Variants in ATXN7L1 observed in about 807,000 individuals in gnomAD.
ATXN7L1 encodes ataxin 7 like 1.
In ATXN7L1, 15 loss-of-function variants were observed where a neutral mutation model predicts 70.8. That is an observed-to-expected ratio of 0.21 (90% CI 0.14 to 0.33). ATXN7L1 has a LOEUF of 0.33. Among genes scored for constraint, ATXN7L1 ranks in the 10% least tolerant of loss-of-function variants. The pLI, the probability that ATXN7L1 is intolerant of heterozygous loss-of-function variation, is 1.00. For synonymous variants in ATXN7L1, 440 were observed against 445.1 expected (o/e 0.99, Z 0.14); for missense variants, 975 against 1,097.1 (o/e 0.89, Z 1.57).
chr7:105,837,588 G>A (rs1164512508), intron 2 of ATXN7L1, among the ~76,000 whole-genome samples: 2 of 152,206 alleles, frequency 1.3e-5, no homozygotes, highest in Non-Finnish European at 2.9e-5. Context: ...GTGAAAGGGT[G>A]CCAGTGAAAA....
At chr7:105,733,622 C>T (rs796908992) in intron 3 of ATXN7L1, among the ~76,000 whole-genome samples, 45 of 124,596 alleles carry the variant, frequency 3.6e-4, no homozygotes, top group Admixed American at 4.0e-4. Flanking sequence ...ATCCATCCAT[C>T]CATCCATCCA....
At chr7:105,776,585 G>A (rs1802767022) in intron 3 of ATXN7L1, among the ~76,000 whole-genome samples, 1 of 152,018 alleles carries the variant, frequency 6.6e-6, no homozygotes, top group Non-Finnish European at 1.5e-5. Context: ...TCAGGGAATT[G>A]AATGGTGAGC....
chr7:105,770,598 A>G (rs1801849347), intron 3 of ATXN7L1, among the ~76,000 whole-genome samples: 1 of 152,154 alleles, frequency 6.6e-6, no homozygotes, highest in African/African-American at 2.4e-5. Flanking sequence ...CAGCAGAGGA[A>G]ATGGGGGTGG....
chr7:105,651,409 A>G (rs1176782390), intron 4 of ATXN7L1, among the ~76,000 whole-genome samples: 1 of 152,202 alleles, frequency 6.6e-6, no homozygotes, highest in Admixed American at 6.5e-5. Context: ...GCTCTCATCC[A>G]CCGATACTTG....
chr7:105,618,937 G>A (rs914689028), intron 9 of ATXN7L1, among the ~76,000 whole-genome samples: 27 of 152,244 alleles, frequency 1.8e-4, no homozygotes, highest in African/African-American at 6.3e-4. Flanking sequence ...AAGAGAAAGG[G>A]AACCTAAGTT....
intron 3 of ATXN7L1, among the ~76,000 whole-genome samples, chr7:105,731,985 C>A (rs868293233): frequency 6.6e-6 from 1 of 151,732 alleles, no homozygotes; most frequent in Admixed American, 6.6e-5. Context: ...CCCAGCTTTT[C>A]GGGAGGCTGA....
Position 105,720,852 on chromosome 7 carries a change from T to G in ATXN7L1, c.356-55564A>C, listed in dbSNP as rs117968531. Reference sequence around the variant, plus strand: ...GGGCACTCTACCTGTCCAGCAGAGCTGAGCACACCTTGGGATGTGCTCCCA... The same window carrying G: ...GGGCACTCTACCTGTCCAGCAGAGCGGAGCACACCTTGGGATGTGCTCCCA... On this transcript the variant is annotated intron_variant, in intron 3 of 11. Coordinates refer to ENST00000419735, the MANE Select transcript of ATXN7L1 (RefSeq NM_020725.2). Among the ~76,000 whole-genome samples, 67 of 152,226 alleles carry G rather than the reference T, an allele frequency of 4.4e-4. 1 individual carries two copies. In the East Asian group the frequency reaches 0.012, roughly 27 times the overall value.
chr7:105,756,641 A>G (rs1799836573), intron 3 of ATXN7L1, among the ~76,000 whole-genome samples: 1 of 152,270 alleles, frequency 6.6e-6, no homozygotes, highest in African/African-American at 2.4e-5. Context: ...TATAAATCAC[A>G]GATGAAAGGA....
rs367549557 is a variant in ATXN7L1, at chr7:105,723,124, G to T, written c.356-57836C>A. ...TGCCCTCACTCTTTGGATACATGAC[G>T]TGGGGTGTATCATTTCATACTGAGG... On this transcript the variant is annotated intron_variant, in intron 3 of 11. Coordinates refer to ENST00000419735, the MANE Select transcript of ATXN7L1 (RefSeq NM_020725.2). Among the ~76,000 whole-genome samples the T allele has an allele frequency of 2.1e-3, 325 of 152,246 alleles. 4 individuals carry two copies. The highest frequency in any genetic ancestry group is 7.4e-3 in the African/African-American group (307 of 41,548).
At chr7:105,847,774 T>C (rs1814287118) in intron 2 of ATXN7L1, among the ~76,000 whole-genome samples, 1 of 152,252 alleles carries the variant, frequency 6.6e-6, no homozygotes, top group South Asian at 2.1e-4. Context: ...ATATGAAAAG[T>C]GCCTGGCATA....
At chr7:105,800,985 G>C (rs759144942) in intron 2 of ATXN7L1, among the ~76,000 whole-genome samples, 1 of 152,192 alleles carries the variant, frequency 6.6e-6, no homozygotes, top group Non-Finnish European at 1.5e-5. Flanking sequence ...TCTGGAGTCA[G>C]ATCGCCTGAA....
At chr7:105,855,410 G>A (rs1815581084) in intron 2 of ATXN7L1, among the ~76,000 whole-genome samples, 1 of 152,216 alleles carries the variant, frequency 6.6e-6, no homozygotes, top group Non-Finnish European at 1.5e-5. Context: ...TGCTCTCAAA[G>A]TCATTTACCA....
chr7:105,685,289 T>C (rs1446262732), intron 3 of ATXN7L1, among the ~76,000 whole-genome samples: 2 of 152,110 alleles, frequency 1.3e-5, no homozygotes, highest in Non-Finnish European at 2.9e-5. Flanking sequence ...ACATCAGGCA[T>C]GTAAAAGAGG....
intron 2 of ATXN7L1, among the ~76,000 whole-genome samples, chr7:105,874,188 T>G (rs1233059630): frequency 6.6e-6 from 1 of 151,954 alleles, no homozygotes; most frequent in East Asian, 1.9e-4. Flanking sequence ...ACAACAGTCT[T>G]CTGAAATAGA....
intron 2 of ATXN7L1, among the ~76,000 whole-genome samples, chr7:105,822,430 G>A (rs1810298217): frequency 6.6e-6 from 1 of 152,206 alleles, no homozygotes; most frequent in African/African-American, 2.4e-5. Context: ...AAGTAAGGAT[G>A]AGAGACTTTC....
rs1796665068 is a variant in ATXN7L1 at position 105,732,290 on chromosome 7, G to A, written c.355+56314C>T. Among the ~76,000 whole-genome samples the A allele has an allele frequency of 3.9e-5, 6 of 152,234 alleles. No homozygotes were observed. In the South Asian group the frequency reaches 1.2e-3, roughly 32 times the overall value. On this transcript the variant is annotated intron_variant, in intron 3 of 11. Coordinates refer to ENST00000419735, the MANE Select transcript of ATXN7L1 (RefSeq NM_020725.2). ...TCGCTGGGCGTGGTGGTGCGTGCCT[G>A]TAGTCCCATCTACTCAGGATGCTGA...
At chr7:105,782,206 T>C (rs1388703981) in intron 3 of ATXN7L1, among the ~76,000 whole-genome samples, 1 of 152,152 alleles carries the variant, frequency 6.6e-6, no homozygotes, top group Non-Finnish European at 1.5e-5. Context: ...ACACGCCATG[T>C]CAATGCATCA....
chr7:105,620,257 C>T lies in ATXN7L1; in HGVS notation c.1460G>A (p.Arg487His), dbSNP rs768565377. Residue 487 changes from arginine to histidine, a missense_variant, in exon 9 of 12, where the codon CGT becomes CAT. By Grantham distance (29) the Arg-to-His change is conservative. Transcript: ENST00000419735. ...GYYVFDRRWD[R>H]FRFALNSMVE... ...CATGGAGTTTAGTGCGAATCGAAAACGATCCCATCTTCTATCAAACACATA... is the reference window on the plus strand; with the variant it reads ...CATGGAGTTTAGTGCGAATCGAAAATGATCCCATCTTCTATCAAACACATA... 36 of 1,551,322 alleles carry T rather than the reference C, an allele frequency of 2.3e-5. No homozygotes were observed. Among genetic ancestry groups the T allele is most frequent in the Admixed American group, 2.2e-4 (11 of 50,978 alleles).
At chr7:105,639,385 T>A in intron 6 of ATXN7L1, 102 bp downstream of exon 6, 1 of 857,348 alleles carries the variant, frequency 1.2e-6, no homozygotes, top group Non-Finnish European at 1.9e-6. Context: ...CTGGGGGTCA[T>A]GTCGAGGTTC....
Sources: gnomAD v4.1 joint callset for allele counts (sites outside exome capture counted in the v4.1 genomes callset) on GRCh38, gnomAD v4.1.1 for gene constraint, MANE v1.5 for transcripts, NCBI Gene and HGNC (gene_info 2026-07-23, HGNC 2026-07-21) for gene names.